ZNF483: variants seen among roughly 807,000 people sequenced by gnomAD.
ZNF483 encodes zinc finger protein HIT-10.
ZNF483 carries 9 observed loss-of-function variants against 28.6 expected under a neutral mutation model. The observed-to-expected ratio is 0.32, with a 90% CI of 0.19 to 0.55. The LOEUF is 0.55. Among genes scored for constraint, ZNF483 ranks in the 20% least tolerant of loss-of-function variants. ZNF483 has a pLI of 0.93. For missense variants in ZNF483, 675 were observed against 871.7 expected (o/e 0.77, Z 2.84); for synonymous variants, 322 against 306.2 (o/e 1.05, Z -0.54).
Position 111,527,740 on chromosome 9 carries a change from A to G in ZNF483, c.345A>G (p.Gln115=). The change falls in exon 2 of 6, where the codon CAA becomes CAG. Residue 115 remains glutamine, a synonymous_variant. Coordinates refer to ENST00000309235, the MANE Select transcript of ZNF483 (RefSeq NM_133464.5). ...AGATCAGGATTTGGGTAAAGTCACA[A>G]CATCCTGAGAGTAGTGAGGAAGTGG... ...PGEIRIWVKS[Q]HPESSEEVVT... 6.2e-7 allele frequency: 1 copy of G among 1,614,172 alleles called. No individual in the cohort carries two copies. The highest frequency in any genetic ancestry group is 8.5e-7 in the Non-Finnish European group (1 of 1,180,026).
At chr9:111,536,044 A>C (rs1827490589) in intron 5 of ZNF483, among the ~76,000 whole-genome samples, 1 of 150,100 alleles carries the variant, frequency 6.7e-6, no homozygotes, top group Non-Finnish European at 1.5e-5. Flanking sequence ...ACGCGCCACC[A>C]CGCCCAGCTA....
rs946867461 is a variant in ZNF483 at position 111,545,194 on chromosome 9, A to G, written c.*2024A>G. On this transcript the variant is annotated 3_prime_UTR_variant, in exon 6 of 6. Transcript: ENST00000309235. The stretch of plus-strand genomic sequence containing the variant: ...AGCCATGAAAGGAATGTTTATTATG[A>G]GAATCATTCATAATGGTTTTAAGTT... Among the ~76,000 whole-genome samples, 1 of 152,226 alleles carries G rather than the reference A, an allele frequency of 6.6e-6. No individual in the cohort carries two copies. The highest frequency in any genetic ancestry group is 1.5e-5 in the Non-Finnish European group (1 of 68,038).
At chr9:111,556,953 C>T (rs1828142245), downstream of ZNF483, among the ~76,000 whole-genome samples, 1 of 152,178 alleles carries the variant, frequency 6.6e-6, no homozygotes, top group Admixed American at 6.5e-5. Context: ...GTTCCATGTC[C>T]TGATGCTGCA....
At chr9:111,535,603 G>A (rs1403762857) in intron 5 of ZNF483, among the ~76,000 whole-genome samples, 1 of 151,914 alleles carries the variant, frequency 6.6e-6, no homozygotes, top group Non-Finnish European at 1.5e-5. Context: ...GAGTGCAGTG[G>A]TGCAGTCTCA....
chr9:111,556,745 T>C (rs893591720), downstream of ZNF483, among the ~76,000 whole-genome samples: 1 of 152,090 alleles, frequency 6.6e-6, no homozygotes, highest in Non-Finnish European at 1.5e-5. Context: ...GTGTGTAGCA[T>C]TTCCCCCTTT....
chr9:111,563,866 G>A (rs1405202591), intron 5 of ZNF483: 1 of 152,464 alleles, frequency 6.6e-6, no homozygotes, highest in Non-Finnish European at 1.5e-5. Context: ...GATCTCAGAG[G>A]AGGTACAAAT....
At chr9:111,526,929 G>T (rs957348134) in intron 1 of ZNF483, among the ~76,000 whole-genome samples, 1 of 151,962 alleles carries the variant, frequency 6.6e-6, no homozygotes, top group African/African-American at 2.4e-5. Context: ...GCGAAACCCC[G>T]TCTCTACTAA....
chr9:111,535,480 G>C (rs1330665862), intron 5 of ZNF483, among the ~76,000 whole-genome samples: 1 of 152,224 alleles, frequency 6.6e-6, no homozygotes, highest in African/African-American at 2.4e-5. Flanking sequence ...TGAATACATA[G>C]AGTATATGGA....
chr9:111,558,542 A>C (rs1432649135), downstream of ZNF483, among the ~76,000 whole-genome samples: 1 of 152,186 alleles, frequency 6.6e-6, no homozygotes, highest in African/African-American at 2.4e-5. Context: ...TTGCAAGCTC[A>C]TCTTGTATCT....
rs1303218721 is a variant in ZNF483, at chr9:111,543,162, G to T, written c.2227G>T (p.Ala743Ser). The change falls in exon 6 of 6, where the codon GCA becomes TCA. Residue 743 changes from alanine (A) to serine (S), a missense_variant. By Grantham distance (99) the Ala-to-Ser change is moderately conservative. This residue lies in a region of ZNF483 where 55 missense variants were observed against 72.4 expected (regional missense o/e 0.76). Coordinates refer to ENST00000309235, the MANE Select transcript of ZNF483 (RefSeq NM_133464.5). ...GLIRHRGFHS[A>S]E ...CATTAGACATCGGGGATTTCACTCT[G>T]CAGAGTAATCCTGGAACTACATTAA... 1 of 1,601,370 alleles carries T rather than the reference G, an allele frequency of 6.2e-7. No individual in the cohort carries two copies. Among genetic ancestry groups the T allele is most frequent in the African/African-American group, 1.3e-5 (1 of 74,522 alleles).
At chr9:111,539,346 A>T (rs1825580861) in intron 5 of ZNF483, 1 of 422,354 alleles carries the variant, frequency 2.4e-6, no homozygotes, top group South Asian at 1.7e-5. Context: ...TTGACCAGAG[A>T]TAGTACTCAG....
At chr9:111,559,004 G>A (rs887415113), downstream of ZNF483, among the ~76,000 whole-genome samples, 49 of 152,034 alleles carry the variant, frequency 3.2e-4, no homozygotes, top group African/African-American at 1.2e-3. Context: ...ACATCCTGCA[G>A]CTCCTGGCCC....
downstream of ZNF483, among the ~76,000 whole-genome samples, chr9:111,559,903 A>G (rs984031820): frequency 2.6e-5 from 4 of 152,126 alleles, no homozygotes; most frequent in African/African-American, 9.7e-5. Context: ...GACAAACCAT[A>G]TTAGAAGTGT....
intron 2 of ZNF483, among the ~76,000 whole-genome samples, chr9:111,528,495 T>C (rs1361009965): frequency 6.6e-6 from 1 of 152,212 alleles, no homozygotes; most frequent in East Asian, 1.9e-4. Context: ...TAAAGTCTTC[T>C]AGGGTGAGTA....
At chr9:111,534,152 T>A in intron 4 of ZNF483, 109 bp from the exon 5 acceptor site, 3 of 960,664 alleles carry the variant, frequency 3.1e-6, no homozygotes, top group Non-Finnish European at 4.8e-6. Context: ...TCTGTGTATT[T>A]TGGTAGCATG....
intron 5 of ZNF483, among the ~76,000 whole-genome samples, chr9:111,561,139 GAGAGAGA>G (rs1828296380): frequency 6.4e-5 from 1 of 15,564 alleles, no homozygotes; most frequent in Non-Finnish European, 1.2e-4. Flanking sequence ...AGAGAGAGAG[GAGAGAGA>G]GGGAGAGAGA....
At chr9:111,534,420 T>C (rs1827428705) in intron 5 of ZNF483, 67 bp downstream of exon 5, 14 of 1,331,936 alleles carry the variant, frequency 1.1e-5, no homozygotes, top group Middle Eastern at 1.8e-4. Flanking sequence ...AGAAGACTCT[T>C]TGAAATGTTG....
intron 5 of ZNF483, among the ~76,000 whole-genome samples, chr9:111,540,301 ATTAG>A (rs1412157056): frequency 6.6e-6 from 1 of 152,222 alleles, no homozygotes; most frequent in East Asian, 1.9e-4. Flanking sequence ...TGTATTGGCC[ATTAG>A]TTAACTTCTA....
chr9:111,559,276 G>A (rs941671690), downstream of ZNF483, among the ~76,000 whole-genome samples: 6 of 151,928 alleles, frequency 3.9e-5, no homozygotes, highest in Admixed American at 6.6e-5. Flanking sequence ...CTTACTTTGG[G>A]CCCTTAAACT....
Sources: gnomAD v4.1 joint callset for allele counts (sites outside exome capture counted in the v4.1 genomes callset) on GRCh38, gnomAD v4.1.1 for gene constraint, gnomAD v4.1.1 regional missense constraint, MANE v1.5 for transcripts, NCBI Gene and HGNC (gene_info 2026-07-23, HGNC 2026-07-21) for gene names.